CNNM2: variants seen among roughly 807,000 people sequenced by gnomAD.
CNNM2 encodes cyclin and CBS domain divalent metal cation transport mediator 2.
In CNNM2, 12 loss-of-function variants were observed where a neutral mutation model predicts 66.9. The ratio of observed to expected loss-of-function variants is 0.18; its 90% CI spans 0.11 to 0.29. The LOEUF (loss-of-function observed/expected upper bound fraction) is 0.29, where lower values mean the gene tolerates loss of function less well. Ranked by LOEUF, CNNM2 falls within the 10% of genes least tolerant of loss-of-function variation. The pLI, the probability that CNNM2 is intolerant of heterozygous loss-of-function variation, is 1.00. For missense variants in CNNM2, 705 were observed against 1,167.7 expected, an observed-to-expected ratio of 0.60 and a Z score of 5.77; for synonymous variants, 557 against 501.8, an observed-to-expected ratio of 1.11 and a Z score of -1.47.
chr10:103,024,176 A>G (rs1422589922), intron 1 of CNNM2, among the ~76,000 whole-genome samples: 2 of 152,184 alleles, frequency 1.3e-5, no homozygotes, highest in South Asian at 2.1e-4. Flanking sequence ...TCTTTAAGCT[A>G]GAATAATTCC....
At chr10:102,922,045 G>T (rs1845659626) in intron 1 of CNNM2, among the ~76,000 whole-genome samples, 1 of 151,976 alleles carries the variant, frequency 6.6e-6, no homozygotes, top group Non-Finnish European at 1.5e-5. Context: ...GTATTTTTTT[G>T]AAATGTATTC....
intron 1 of CNNM2, among the ~76,000 whole-genome samples, chr10:102,975,305 G>A (rs1230402645): frequency 6.6e-6 from 1 of 151,994 alleles, no homozygotes; most frequent in African/African-American, 2.4e-5. Context: ...ATACTATCAT[G>A]ACATAACATG....
chr10:103,087,121 C>T lies in CNNM2; in HGVS notation c.*9941C>T, dbSNP rs190116545. 7 of 128,558 alleles carry T rather than the reference C, an allele frequency of 5.4e-5. No homozygotes were observed. The highest frequency in any genetic ancestry group is 4.9e-4 in the South Asian group (2 of 4,090). The allele number at this position is 128,558 out of a possible 1,614,324, so 8.0% of individuals were successfully genotyped here. A position where few individuals can be genotyped will look rare whatever the true frequency, so the allele number is the denominator to read the frequency against. ...AAGAAGTGGCAGAATGGTCTTCTCA[C>T]GGTATAAAACTCCGCAGGATTTTTT... On this transcript the variant is annotated 3_prime_UTR_variant, in exon 8 of 8. Coordinates refer to ENST00000369878, the MANE Select transcript of CNNM2 (RefSeq NM_017649.5).
At chr10:103,032,703 A>G (rs889861135) in intron 1 of CNNM2, among the ~76,000 whole-genome samples, 2 of 121,690 alleles carry the variant, frequency 1.6e-5, no homozygotes, top group South Asian at 2.5e-4. Context: ...ATAGCATTCT[A>G]TTGCTGATAG....
intron 1 of CNNM2, among the ~76,000 whole-genome samples, chr10:102,963,165 G>T (rs561831854): frequency 6.6e-6 from 1 of 152,262 alleles, no homozygotes; most frequent in East Asian, 1.9e-4. Context: ...AAACACTTCT[G>T]CAGTACTTAA....
intron 1 of CNNM2, among the ~76,000 whole-genome samples, chr10:102,956,674 C>T (rs1027030501): frequency 7.2e-5 from 11 of 152,224 alleles, no homozygotes; most frequent in Middle Eastern, 3.4e-3. Context: ...TTTGCAGGGA[C>T]GTGGATGAAG....
intron 1 of CNNM2, chr10:102,921,098 T>A (rs1242780135): frequency 1.0e-6 from 1 of 954,690 alleles, no homozygotes; most frequent in Non-Finnish European, 1.2e-6. Context: ...TTTGTTCGTT[T>A]GACCATATAA....
intron 1 of CNNM2, among the ~76,000 whole-genome samples, chr10:102,982,829 A>C (rs2063738379): frequency 6.6e-6 from 1 of 152,192 alleles, no homozygotes; most frequent in Non-Finnish European, 1.5e-5. Context: ...ATGGAGTTGC[A>C]ATACAGTTTT....
chr10:103,004,407 A>C (rs1182277074), intron 1 of CNNM2, among the ~76,000 whole-genome samples: 2 of 152,200 alleles, frequency 1.3e-5, no homozygotes, highest in South Asian at 4.1e-4. Flanking sequence ...ATTCTCGAAC[A>C]TGTCTTTTGG....
intron 1 of CNNM2, among the ~76,000 whole-genome samples, chr10:103,044,304 A>G (rs1423791152): frequency 6.6e-6 from 1 of 152,052 alleles, no homozygotes; most frequent in Non-Finnish European, 1.5e-5. Flanking sequence ...TATGTATTGA[A>G]AAGTTGTTTA....
At chr10:103,000,280 A>C (rs1221481925) in intron 1 of CNNM2, among the ~76,000 whole-genome samples, 1 of 139,292 alleles carries the variant, frequency 7.2e-6, no homozygotes, top group Non-Finnish European at 1.6e-5. Flanking sequence ...TAAATAAATA[A>C]ATAAAATGGA....
chr10:102,957,393 G>A (rs958311699), intron 1 of CNNM2, among the ~76,000 whole-genome samples: 15 of 152,294 alleles, frequency 9.8e-5, no homozygotes, highest in Non-Finnish European at 1.8e-4. Flanking sequence ...GAGGGGATGG[G>A]AAAGCAAAGG....
chr10:102,959,461 A>G (rs149156341), intron 1 of CNNM2, among the ~76,000 whole-genome samples: 258 of 152,334 alleles, frequency 1.7e-3, no homozygotes, highest in South Asian at 3.9e-3. Context: ...ATTCTCAGTA[A>G]AAGTGTGAGC....
chr10:103,066,020 C>T (rs535368762), intron 4 of CNNM2, among the ~76,000 whole-genome samples: 1 of 152,336 alleles, frequency 6.6e-6, no homozygotes, highest in East Asian at 1.9e-4. Flanking sequence ...TGTCCTCCCA[C>T]TGATTCCTCT....
intron 1 of CNNM2, among the ~76,000 whole-genome samples, chr10:103,021,122 C>G (rs72850111): frequency 2.0e-5 from 3 of 152,018 alleles, no homozygotes; most frequent in African/African-American, 4.8e-5. Context: ...AGACACTAGA[C>G]AACAGGCAAG....
chr10:102,976,394 T>G (rs1590337257), intron 1 of CNNM2, among the ~76,000 whole-genome samples: 2 of 151,062 alleles, frequency 1.3e-5, no homozygotes, highest in East Asian at 3.9e-4. Flanking sequence ...TGTAACATTA[T>G]GTCTGTTACA....
chr10:102,937,807 T>TA (rs1846293690), intron 1 of CNNM2, among the ~76,000 whole-genome samples: 1 of 151,462 alleles, frequency 6.6e-6, no homozygotes, highest in Non-Finnish European at 1.5e-5. Context: ...CTTTTTTTGG[T>TA]AGAGACAGGC....
intron 1 of CNNM2, among the ~76,000 whole-genome samples, chr10:102,953,645 C>T (rs1044478175): frequency 4.0e-5 from 6 of 151,746 alleles, no homozygotes; most frequent in African/African-American, 1.5e-4. Context: ...CTACAGTGTC[C>T]ACCTTCAGGG....
chr10:102,950,162 T>C (rs868250503), intron 1 of CNNM2, among the ~76,000 whole-genome samples: 6 of 152,104 alleles, frequency 3.9e-5, no homozygotes, highest in Admixed American at 6.6e-5. Context: ...GTATTAATCA[T>C]TATGTGGTAA....
Sources: allele counts gnomAD v4.1 joint callset (sites outside exome capture counted in the v4.1 genomes callset), GRCh38; gene constraint gnomAD v4.1.1; transcripts MANE v1.5; gene names NCBI Gene and HGNC (gene_info 2026-07-23, HGNC 2026-07-21).